The following KAZN variants were observed in gnomAD, a reference collection of about 807,000 sequenced individuals.
The protein encoded by KAZN is kazrin, periplakin interacting protein.
A neutral mutation model predicts 87.4 loss-of-function variants in KAZN; 40 were observed. The observed-to-expected ratio is 0.46, with a 90% confidence interval of 0.36 to 0.60. KAZN has a LOEUF of 0.60. Among genes scored for constraint, KAZN ranks in the 20% least tolerant of loss-of-function variants. The pLI is 0.00. For synonymous variants in KAZN, 466 were observed against 458.3 expected (o/e 1.02, Z -0.22); for missense variants, 898 against 1,073.9 (o/e 0.84, Z 2.29).
At position 14,785,474 on chromosome 1, in the gene KAZN, C is replaced by G. The variant is rs187491042; in HGVS notation, c.227-175210C>G. The stretch of plus-strand genomic sequence containing the variant: ...GACAGAATGGATACCTCAGGGGAGG[C>G]CCGTTCCTCTGGCGCTGTAGAAAAT... On this transcript the variant is annotated intron_variant, in intron 1 of 14. Transcript: ENST00000376030. Among the ~76,000 whole-genome samples the G allele has an allele frequency of 3.3e-3, 502 of 152,260 alleles. 3 individuals carry two copies. Among genetic ancestry groups the G allele is most frequent in the African/African-American group, 0.011 (468 of 41,550 alleles).
At chr1:14,363,151 T>TA (rs1444799343) in intron 2 of KAZN, among the ~76,000 whole-genome samples, 1 of 152,162 alleles carries the variant, frequency 6.6e-6, no homozygotes, top group Non-Finnish European at 1.5e-5. Context: ...TCAGTGCCCA[T>TA]AAAAGTCCTC....
At chr1:14,404,684 A>C (rs1663688006) in intron 2 of KAZN, among the ~76,000 whole-genome samples, 2 of 152,326 alleles carry the variant, frequency 1.3e-5, no homozygotes, top group South Asian at 4.1e-4. Context: ...AATGGGCTCT[A>C]TTCATAAGAT....
chr1:14,888,846 A>G (rs1309886286), intron 1 of KAZN, among the ~76,000 whole-genome samples: 4 of 152,210 alleles, frequency 2.6e-5, no homozygotes, highest in African/African-American at 4.8e-5. Context: ...CAGGCTGATC[A>G]GAAGCCTATA....
chr1:14,473,296 T>C (rs956803301), intron 2 of KAZN, among the ~76,000 whole-genome samples: 1 of 152,226 alleles, frequency 6.6e-6, no homozygotes, highest in Non-Finnish European at 1.5e-5. Flanking sequence ...TTTAAATGGG[T>C]AGCTTATATT....
chr1:14,916,942 G>A (rs1471253003), intron 1 of KAZN, among the ~76,000 whole-genome samples: 9 of 151,804 alleles, frequency 5.9e-5, no homozygotes, highest in African/African-American at 1.9e-4. Flanking sequence ...CTTGGGGCTC[G>A]TGACAGTCCA....
At chr1:14,586,325 T>C (rs1675844365) in intron 2 of KAZN, among the ~76,000 whole-genome samples, 1 of 152,174 alleles carries the variant, frequency 6.6e-6, no homozygotes, top group Admixed American at 6.5e-5. Flanking sequence ...CGCCACAGTT[T>C]AATACGGTTC....
At chr1:14,356,369 G>A (rs560886537) in intron 2 of KAZN, among the ~76,000 whole-genome samples, 2 of 152,094 alleles carry the variant, frequency 1.3e-5, no homozygotes, top group Non-Finnish European at 2.9e-5. Flanking sequence ...CTTTCATTCT[G>A]TAGGCTGCCT....
chr1:14,325,372 C>T (rs72644482), intron 2 of KAZN, among the ~76,000 whole-genome samples: 12,973 of 152,160 alleles, frequency 0.085, 774 homozygotes, highest in Non-Finnish European at 0.13. Flanking sequence ...CCTACATTTC[C>T]GGATTAGCTT....
At chr1:14,411,938 T>C (rs529073381) in intron 2 of KAZN, among the ~76,000 whole-genome samples, 13 of 152,362 alleles carry the variant, frequency 8.5e-5, no homozygotes, top group East Asian at 7.7e-4. Context: ...TTAGAGAAAT[T>C]TGAAATGACA....
At chr1:14,675,294 G>A (rs763386905) in intron 1 of KAZN, among the ~76,000 whole-genome samples, 4 of 152,246 alleles carry the variant, frequency 2.6e-5, no homozygotes, top group Non-Finnish European at 5.9e-5. Flanking sequence ...TGAACTGGAA[G>A]TCAAGTTCTC....
rs890460863 is a variant in KAZN, at chr1:14,112,276, C to T, written c.92-68159C>T. Among the ~76,000 whole-genome samples, 5 of 134,210 alleles carry T rather than the reference C, an allele frequency of 3.7e-5. 1 individual carries two copies. Among genetic ancestry groups the T allele is most frequent in the Admixed American group, 3.7e-4 (5 of 13,520 alleles). 88.0% of individuals were successfully genotyped at this position (134,210 alleles called of 152,430 possible). A position where few individuals can be genotyped will look rare whatever the true frequency, so the allele number is the denominator to read the frequency against. ...CTGACTCTCTCTGCTAGAAGGTGAG[C>T]TCCTGATCTGGTGTGTTCATTCGTG... On this transcript the variant is annotated intron_variant, in intron 1 of 16. Transcript: ENST00000636203.
rs1370433125 is a variant in KAZN at position 13,893,295 on chromosome 1, C to T, written c.-371C>T. On this transcript the variant is annotated 5_prime_UTR_variant, in exon 1 of 17. Coordinates refer to the KAZN transcript ENST00000636203. ...CTGAGCTGCTCCCGGGGACCCTGCC[C>T]CTTCCAGGTGACCCCAGGAGAAGCA... 8.7e-5 allele frequency: 16 copies of T among 183,600 alleles called. No individual in the cohort carries two copies. In the East Asian group the frequency reaches 2.5e-3, roughly 28 times the overall value. The allele number at this position is 183,600 out of a possible 1,614,324, so 11.4% of individuals were successfully genotyped here.
intron 2 of KAZN, among the ~76,000 whole-genome samples, chr1:15,000,847 T>C (rs1668393048): frequency 6.6e-6 from 1 of 151,998 alleles, no homozygotes; most frequent in African/African-American, 2.4e-5. Context: ...CTCACGCCTG[T>C]AATCCCAACG....
At chr1:14,987,955 A>C (rs944728578) in intron 2 of KAZN, among the ~76,000 whole-genome samples, 1 of 152,176 alleles carries the variant, frequency 6.6e-6, no homozygotes, top group African/African-American at 2.4e-5. Flanking sequence ...AGAGAGGAGA[A>C]AATAGCAGGA....
At chr1:14,383,733 T>A (rs1296009191) in intron 2 of KAZN, among the ~76,000 whole-genome samples, 2 of 152,148 alleles carry the variant, frequency 1.3e-5, no homozygotes, top group African/African-American at 4.8e-5. Flanking sequence ...GTAGTATAGT[T>A]TGAAGTCAGG....
At chr1:14,165,015 TTA>T (rs1226697908) in intron 1 of KAZN, among the ~76,000 whole-genome samples, 2 of 151,992 alleles carry the variant, frequency 1.3e-5, no homozygotes, top group African/African-American at 4.8e-5. Context: ...TGAAGCATGA[TTA>T]TATGTCAAAT....
In KAZN at chr1:14,470,610, T is replaced by C. The variant is rs147354775; in HGVS notation, c.250-128373T>C. On this transcript the variant is annotated intron_variant, in intron 2 of 16. Transcript: ENST00000636203. ...TGCAGAGAGAGAGAGGATATATTTTTCTTCTTGGAAAGCCTGCGTAAGTGA... is the reference window on the plus strand; with the variant it reads ...TGCAGAGAGAGAGAGGATATATTTTCCTTCTTGGAAAGCCTGCGTAAGTGA... 5.5e-3 allele frequency among the ~76,000 whole-genome samples: 843 copies of C among 152,326 alleles called. 3 individuals are homozygous for C. Among genetic ancestry groups the C allele is most frequent in the Middle Eastern group, 0.014 (4 of 292 alleles).
intron 2 of KAZN, among the ~76,000 whole-genome samples, chr1:14,348,230 T>G (rs1309898471): frequency 6.6e-6 from 1 of 152,054 alleles, no homozygotes; most frequent in African/African-American, 2.4e-5. Flanking sequence ...TTTTGTATTT[T>G]TAGTAGAGAT....
chr1:14,651,213 C>T (rs1022213275), intron 1 of KAZN, among the ~76,000 whole-genome samples: 1 of 152,142 alleles, frequency 6.6e-6, no homozygotes. Flanking sequence ...GAGAAAGAAG[C>T]CATTGTTGAA....
Sources: gnomAD v4.1 joint callset for allele counts (sites outside exome capture counted in the v4.1 genomes callset) on GRCh38, gnomAD v4.1.1 for gene constraint, MANE v1.5 for transcripts, NCBI Gene and HGNC (gene_info 2026-07-23, HGNC 2026-07-21) for gene names.